The following PDE1A variants were observed in gnomAD, a reference collection of about 807,000 sequenced individuals.
PDE1A encodes the protein dual specificity calcium/calmodulin-dependent 3',5'-cyclic nucleotide phosphodiesterase 1A.
Under a neutral mutation model 61.7 loss-of-function variants are expected in PDE1A, and 35 were observed. The observed-to-expected ratio is 0.57, with a 90% CI of 0.43 to 0.75. The LOEUF (loss-of-function observed/expected upper bound fraction) is 0.75, where lower values mean the gene tolerates loss of function less well. PDE1A is among the 30% of genes least tolerant of loss of function. The probability of loss-of-function intolerance (pLI) is 0.00; values close to 1 mark genes in which losing one functional copy is unlikely to be tolerated. For synonymous variants in PDE1A, 232 were observed against 213.2 expected (o/e 1.09, Z -0.77); for missense variants, 597 against 630.6 (o/e 0.95, Z 0.57).
At chr2:182,395,568 G>C (rs1055607897) in intron 1 of PDE1A, among the ~76,000 whole-genome samples, 3 of 152,182 alleles carry the variant, frequency 2.0e-5, no homozygotes, top group Non-Finnish European at 4.4e-5. Context: ...GGATTTGGGA[G>C]GCAACACATT....
At chr2:182,555,256 C>T in the PDE1A span, among the ~76,000 whole-genome samples, 1 of 152,202 alleles carries the variant, frequency 6.6e-6, no homozygotes, top group Non-Finnish European at 1.5e-5. Context: ...GCTTTCCATG[C>T]TACCTGAGTT....
chr2:182,259,243 A>G lies in PDE1A; in HGVS notation c.167+5058T>C, dbSNP rs188495345. Among the ~76,000 whole-genome samples, 863 of 152,298 alleles carry G rather than the reference A, an allele frequency of 5.7e-3. 8 individuals carry two copies. The highest frequency in any genetic ancestry group is 6.0e-3 in the Admixed American group (92 of 15,300). ...CAAAAGTCAACTGATGTTTTTACAG[A>G]GATAATGTGACTCTGTATTAAGGGA... On this transcript the variant is annotated intron_variant, in intron 2 of 13. Coordinates refer to ENST00000351439, the Ensembl canonical transcript of PDE1A.
chr2:182,181,590 G>A (rs1316155748), intron 13 of PDE1A, among the ~76,000 whole-genome samples: 2 of 152,200 alleles, frequency 1.3e-5, no homozygotes, highest in African/African-American at 4.8e-5. Context: ...GCACTCTGCT[G>A]GGAGAGTCCC....
At chr2:182,350,782 G>C (rs1698827397) in intron 1 of PDE1A, among the ~76,000 whole-genome samples, 1 of 152,066 alleles carries the variant, frequency 6.6e-6, no homozygotes, top group Non-Finnish European at 1.5e-5. Flanking sequence ...CCAGAGAAGG[G>C]ACCAAGGTAG....
intron 2 of PDE1A, among the ~76,000 whole-genome samples, chr2:182,243,352 G>C (rs571015779): frequency 1.1e-4 from 16 of 152,266 alleles, no homozygotes; most frequent in Admixed American, 2.6e-4. Context: ...AGATAGTTAA[G>C]ACCCGAACAA....
chr2:182,425,466 C>T (rs907355166), intron 1 of PDE1A, among the ~76,000 whole-genome samples: 2 of 152,054 alleles, frequency 1.3e-5, no homozygotes, highest in African/African-American at 2.4e-5. Flanking sequence ...AATATTAAAT[C>T]CATATATATG....
intron 1 of PDE1A, among the ~76,000 whole-genome samples, chr2:182,350,191 G>T (rs1574422523): frequency 6.6e-6 from 1 of 152,036 alleles, no homozygotes; most frequent in South Asian, 2.1e-4. Context: ...TCTGTATTTG[G>T]TTTCTCTGAT....
chr2:182,603,161 G>A, the PDE1A span, among the ~76,000 whole-genome samples: 23,554 of 152,082 alleles, frequency 0.15, 2,094 homozygotes, highest in Middle Eastern at 0.24. Flanking sequence ...AGTCCTGGCT[G>A]TAACTTAGGT....
intron 1 of PDE1A, among the ~76,000 whole-genome samples, chr2:182,301,541 G>T (rs1695244053): frequency 6.6e-6 from 1 of 152,128 alleles, no homozygotes; most frequent in South Asian, 2.1e-4. Flanking sequence ...CTTTTACAAG[G>T]GAGGATAGAG....
intron 10 of PDE1A, among the ~76,000 whole-genome samples, chr2:182,198,815 G>A (rs540614142): frequency 5.3e-5 from 8 of 151,718 alleles, no homozygotes; most frequent in Non-Finnish European, 8.9e-5. Flanking sequence ...AGGTAATGTC[G>A]AGAATTATGC....
At chr2:182,612,442 G>A in the PDE1A span, among the ~76,000 whole-genome samples, 5 of 152,232 alleles carry the variant, frequency 3.3e-5, no homozygotes, top group Middle Eastern at 3.4e-3. Flanking sequence ...TTACACAAAT[G>A]CATCAGTAGA....
the PDE1A span, among the ~76,000 whole-genome samples, chr2:182,569,457 C>T: frequency 2.6e-5 from 4 of 152,128 alleles, no homozygotes; most frequent in East Asian, 7.8e-4. Flanking sequence ...TTCTGAGTGT[C>T]CTCTTTATCC....
chr2:182,180,162 G>C (rs1441957093), intron 13 of PDE1A, among the ~76,000 whole-genome samples: 1 of 152,104 alleles, frequency 6.6e-6, no homozygotes, highest in African/African-American at 2.4e-5. Context: ...TGATCACTAT[G>C]TTAGTAGATG....
chr2:182,417,556 T>C (rs1702997022), intron 1 of PDE1A, among the ~76,000 whole-genome samples: 2 of 152,190 alleles, frequency 1.3e-5, no homozygotes, highest in South Asian at 2.1e-4. Context: ...GCATTGAAGA[T>C]TTTTTAGAGG....
intron 2 of PDE1A, among the ~76,000 whole-genome samples, chr2:182,498,248 G>A (rs371850324): frequency 6.6e-6 from 1 of 151,902 alleles, no homozygotes; most frequent in South Asian, 2.1e-4. Context: ...TGGCACTCCA[G>A]AGAAAAAGTC....
chr2:182,331,338 T>C (rs927835788), intron 1 of PDE1A, among the ~76,000 whole-genome samples: 2 of 152,260 alleles, frequency 1.3e-5, no homozygotes, highest in African/African-American at 4.8e-5. Context: ...TTGGGGCATT[T>C]AGCCCATTTA....
At chr2:182,607,345 G>A in the PDE1A span, among the ~76,000 whole-genome samples, 7 of 152,146 alleles carry the variant, frequency 4.6e-5, no homozygotes, top group East Asian at 1.3e-3. Flanking sequence ...CAATTGGGCC[G>A]GTTTCAAAGG....
chr2:182,234,130 G>C (rs1689810319), intron 4 of PDE1A, among the ~76,000 whole-genome samples: 1 of 151,774 alleles, frequency 6.6e-6, no homozygotes, highest in Non-Finnish European at 1.5e-5. Flanking sequence ...ACAAGTACTA[G>C]TGCCATTTCA....
chr2:182,492,077 T>C (rs1688429408), intron 2 of PDE1A, among the ~76,000 whole-genome samples: 1 of 152,274 alleles, frequency 6.6e-6, no homozygotes, highest in East Asian at 1.9e-4. Flanking sequence ...TTTCCTATCA[T>C]CTTGCTTTGC....
Sources: gnomAD v4.1 joint callset for allele counts (sites outside exome capture counted in the v4.1 genomes callset) on GRCh38, gnomAD v4.1.1 for gene constraint, MANE v1.5 for transcripts, NCBI Gene and HGNC (gene_info 2026-07-23, HGNC 2026-07-21) for gene names.